SND1: variants seen among roughly 807,000 people sequenced by gnomAD.
The protein encoded by SND1 is staphylococcal nuclease and tudor domain containing 1.
Under a neutral mutation model 121.7 loss-of-function variants are expected in SND1, and 38 were observed. The observed-to-expected ratio is 0.31, with a 90% CI of 0.24 to 0.41. The LOEUF is 0.41. Among genes scored for constraint, SND1 ranks in the 10% least tolerant of loss-of-function variants. SND1 has a pLI of 1.00. For synonymous variants in SND1, 401 were observed against 447.4 expected (o/e 0.90, Z 1.31); for missense variants, 868 against 1,184.6 (o/e 0.73, Z 3.92).
intron 15 of SND1, among the ~76,000 whole-genome samples, chr7:127,929,693 T>C (rs1336567837): frequency 2.6e-5 from 4 of 152,180 alleles, no homozygotes; most frequent in Admixed American, 2.0e-4. Flanking sequence ...CTATGTTAGT[T>C]GTGGGGAGGC....
intron 15 of SND1, among the ~76,000 whole-genome samples, chr7:127,931,059 G>A (rs980762975): frequency 1.3e-5 from 2 of 152,126 alleles, no homozygotes; most frequent in African/African-American, 4.8e-5. Context: ...AGTCATATAA[G>A]ATGGTAAACT....
chr7:127,967,930 G>C (rs943333466), intron 15 of SND1, among the ~76,000 whole-genome samples: 5 of 152,180 alleles, frequency 3.3e-5, no homozygotes, highest in Admixed American at 1.3e-4. Flanking sequence ...GTACTTCTCA[G>C]GGTGTTTTAC....
chr7:128,084,811 G>A lies in SND1; in HGVS notation c.2198G>A (p.Gly733Glu), dbSNP rs1297585763. 1 of 1,607,176 alleles carries A rather than the reference G, an allele frequency of 6.2e-7. No individual in the cohort carries two copies. The highest frequency in any genetic ancestry group is 8.5e-7 in the Non-Finnish European group (1 of 1,175,140). Reference protein sequence around the residue: ...PVEGSYAPRRGEFCIAKFVDG... With the variant: ...PVEGSYAPRREEFCIAKFVDG... ...GAGGGCTCCTATGCCCCCCGCAGGG[G>A]AGAGTTCTGCATTGCCAAATTTGTA... The change falls in exon 19 of 24, where the codon GGA becomes GAA. Residue 733 changes from glycine (G) to glutamate (E), a missense_variant. This residue lies in a region of SND1 where 743 missense variants were observed against 1,071.3 expected (regional missense o/e 0.69). Coordinates refer to ENST00000354725, the MANE Select transcript of SND1 (RefSeq NM_014390.4).
intron 16 of SND1, among the ~76,000 whole-genome samples, chr7:128,010,027 C>T (rs1002679489): frequency 1.5e-4 from 23 of 152,160 alleles, no homozygotes; most frequent in African/African-American, 4.3e-4. Context: ...ACTGCGGAGT[C>T]GTCACTGTTC....
At chr7:128,028,628 T>A in intron 16 of SND1, 1 of 1,529,484 alleles carries the variant, frequency 6.5e-7, no homozygotes, top group Non-Finnish European at 8.9e-7. Flanking sequence ...CAAAAGTTGC[T>A]GTCTTTGTGT....
At chr7:127,661,903 G>A (rs1048166383) in intron 1 of SND1, among the ~76,000 whole-genome samples, 2 of 152,016 alleles carry the variant, frequency 1.3e-5, no homozygotes, top group Non-Finnish European at 2.9e-5. Context: ...ATCACTTGAG[G>A]TTAGGAGTTT....
intron 16 of SND1, among the ~76,000 whole-genome samples, chr7:128,049,344 G>T (rs1056425920): frequency 4.6e-5 from 7 of 151,996 alleles, no homozygotes; most frequent in African/African-American, 1.4e-4. Flanking sequence ...TTATCTCCCA[G>T]CCCCTCTCCT....
At chr7:127,821,749 T>C (rs1429886303) in intron 11 of SND1, among the ~76,000 whole-genome samples, 1 of 152,120 alleles carries the variant, frequency 6.6e-6, no homozygotes, top group East Asian at 1.9e-4. Flanking sequence ...AAAGCACATA[T>C]ATGGATAAAG....
intron 14 of SND1, among the ~76,000 whole-genome samples, chr7:127,917,355 T>G (rs1370689202): frequency 6.6e-6 from 1 of 152,204 alleles, no homozygotes; most frequent in East Asian, 1.9e-4. Context: ...TAAGCTTGTT[T>G]TCACGTATTT....
chr7:127,938,457 G>T (rs1267790239), intron 15 of SND1, among the ~76,000 whole-genome samples: 1 of 152,142 alleles, frequency 6.6e-6, no homozygotes, highest in African/African-American at 2.4e-5. Context: ...AAAAGCATAG[G>T]CCACCTAGTA....
chr7:127,851,778 A>G (rs1799168615), intron 12 of SND1, among the ~76,000 whole-genome samples: 1 of 152,080 alleles, frequency 6.6e-6, no homozygotes, highest in Admixed American at 6.6e-5. Context: ...TTGTTCTTTA[A>G]TTGTTCTGTC....
intron 12 of SND1, among the ~76,000 whole-genome samples, chr7:127,875,400 G>A (rs1329765411): frequency 2.0e-5 from 3 of 152,158 alleles, no homozygotes; most frequent in Admixed American, 6.5e-5. Flanking sequence ...TACAGGCACC[G>A]GCATGGGGAG....
intron 11 of SND1, among the ~76,000 whole-genome samples, chr7:127,840,030 T>C (rs1311991561): frequency 2.6e-5 from 4 of 152,030 alleles, no homozygotes; most frequent in Non-Finnish European, 5.9e-5. Context: ...CTGAAAAGAT[T>C]ATTGATTATA....
At chr7:128,068,043 A>T (rs1793347194) in intron 16 of SND1, among the ~76,000 whole-genome samples, 1 of 152,016 alleles carries the variant, frequency 6.6e-6, no homozygotes, top group Non-Finnish European at 1.5e-5. Flanking sequence ...CATGACCTGG[A>T]GGAGGCTTTA....
chr7:127,952,929 A>G (rs1801495511), intron 15 of SND1, among the ~76,000 whole-genome samples: 1 of 152,104 alleles, frequency 6.6e-6, no homozygotes, highest in Non-Finnish European at 1.5e-5. Context: ...TTGGGAGGCC[A>G]AGGCAGGAGG....
Position 127,692,332 on chromosome 7 carries a change from A to G in SND1, c.229-2496A>G, listed in dbSNP as rs117633523. ...CATTCTAAAGGAAAGAGTAATTTTGAGTCTCAACTTCTTAAAAGCCACTTG... is the reference window on the plus strand; with the variant it reads ...CATTCTAAAGGAAAGAGTAATTTTGGGTCTCAACTTCTTAAAAGCCACTTG... On this transcript the variant is annotated intron_variant, in intron 2 of 23. Transcript: ENST00000354725. Among the ~76,000 whole-genome samples, 991 of 152,316 alleles carry G rather than the reference A, an allele frequency of 6.5e-3. 13 individuals are homozygous for G. The highest frequency in any genetic ancestry group is 0.045 in the South Asian group (218 of 4,828).
intron 10 of SND1, among the ~76,000 whole-genome samples, chr7:127,732,920 T>C (rs1250503017): frequency 6.6e-6 from 1 of 152,230 alleles, no homozygotes; most frequent in Non-Finnish European, 1.5e-5. Flanking sequence ...GTTTCAACTT[T>C]GGTGTTTGTA....
intron 21 of SND1, among the ~76,000 whole-genome samples, chr7:128,088,310 G>T (rs1401874180): frequency 6.6e-6 from 1 of 151,304 alleles, no homozygotes; most frequent in South Asian, 2.1e-4. Flanking sequence ...AAATAGCTGG[G>T]TGTGGTGGCA....
intron 11 of SND1, among the ~76,000 whole-genome samples, chr7:127,831,672 T>C (rs528172422): frequency 6.6e-6 from 1 of 152,296 alleles, no homozygotes; most frequent in East Asian, 1.9e-4. Context: ...GTGGGAACTA[T>C]TGTGATGAAA....
Sources: allele counts gnomAD v4.1 joint callset (sites outside exome capture counted in the v4.1 genomes callset), GRCh38; gene constraint gnomAD v4.1.1; regional missense constraint gnomAD v4.1.1; transcripts MANE v1.5; gene names NCBI Gene and HGNC (gene_info 2026-07-23, HGNC 2026-07-21).